RIMKLA: variants seen among roughly 807,000 people sequenced by gnomAD.
The protein encoded by RIMKLA is N-acetylaspartylglutamate synthase A.
In RIMKLA, 14 loss-of-function variants were observed where a neutral mutation model predicts 32.7. The observed-to-expected ratio is 0.43, with a 90% CI of 0.28 to 0.67. RIMKLA has a LOEUF of 0.67. RIMKLA is among the 30% of genes least tolerant of loss of function. The pLI is 0.18. For missense variants in RIMKLA, 410 were observed against 519.0 expected (o/e 0.79, Z 2.04); for synonymous variants, 176 against 204.1 (o/e 0.86, Z 1.18).
At position 42,410,028 on chromosome 1, in the gene RIMKLA, A is replaced by G. The variant is rs781563645; in HGVS notation, c.526A>G (p.Ile176Val). The G allele has an allele frequency of 1.9e-6, 3 of 1,614,180 alleles. No individual in the cohort carries two copies. The highest frequency in any genetic ancestry group is 1.3e-5 in the African/African-American group (1 of 75,056). The change falls in exon 4 of 5, where the codon ATC becomes GTC. Residue 176 changes from isoleucine (I) to valine (V), a missense_variant. By Grantham distance (29) the Ile-to-Val change is conservative. Transcript: ENST00000431473. Reference sequence around the variant, plus strand: ...AAGAGATAAACATCACCTCTCTGACATCTGCCATCTGATCCGCCACGATGT... The same window carrying G: ...AAGAGATAAACATCACCTCTCTGACGTCTGCCATCTGATCCGCCACGATGT... ...LARDKHHLSD[I>V]CHLIRHDVPY...
In RIMKLA at chr1:42,422,463, T is replaced by G. The variant is rs1317956858; in HGVS notation, c.*7489T>G. On this transcript the variant is annotated 3_prime_UTR_variant, in exon 5 of 5. Coordinates refer to ENST00000431473, the MANE Select transcript of RIMKLA (RefSeq NM_173642.4). The stretch of plus-strand genomic sequence containing the variant: ...CATCTTAACTAGGCACCAGAATAGC[T>G]CATTTCCAAGTGGTTTATACAGCAA... 6.6e-6 allele frequency: 1 copy of G among 152,236 alleles called. No homozygotes were observed. Among genetic ancestry groups the G allele is most frequent in the Non-Finnish European group, 1.5e-5 (1 of 68,048 alleles). 9.4% of individuals were successfully genotyped at this position (152,236 alleles called of 1,614,324 possible).
intron 3 of RIMKLA, among the ~76,000 whole-genome samples, chr1:42,407,181 C>G (rs1044921623): frequency 6.6e-6 from 1 of 152,196 alleles, no homozygotes; most frequent in African/African-American, 2.4e-5. Context: ...GCTGGGATTA[C>G]AGGCGTGAGC....
chr1:42,395,823 G>T lies in RIMKLA; in HGVS notation c.164-3581G>T, dbSNP rs578117472. ...ACCCAAATTGTCCTTGGCCATGGCT[G>T]TGTATAACTGTTGCTCCCACTGAAG... On this transcript the variant is annotated intron_variant, in intron 1 of 4. Coordinates refer to ENST00000431473, the MANE Select transcript of RIMKLA (RefSeq NM_173642.4). Among the ~76,000 whole-genome samples, 205 of 152,320 alleles carry T rather than the reference G, an allele frequency of 1.3e-3. 1 individual carries two copies. The highest frequency in any genetic ancestry group is 2.3e-3 in the Non-Finnish European group (158 of 68,022).
chr1:42,400,437 A>G (rs1184034419), intron 2 of RIMKLA, among the ~76,000 whole-genome samples: 1 of 152,236 alleles, frequency 6.6e-6, no homozygotes, highest in Non-Finnish European at 1.5e-5. Context: ...GTAGGTTTTT[A>G]AAATAATCCA....
At chr1:42,400,098 C>T (rs1224300408) in intron 2 of RIMKLA, among the ~76,000 whole-genome samples, 1 of 152,046 alleles carries the variant, frequency 6.6e-6, no homozygotes, top group Non-Finnish European at 1.5e-5. Flanking sequence ...TCTAGCTAAG[C>T]AAAGGGAGAT....
rs1428258142 is a variant in RIMKLA, at chr1:42,385,819, CCTTCCTTCCTTT to C, written c.163+4726_163+4737del. Among the ~76,000 whole-genome samples the C allele has an allele frequency of 5.6e-5, 5 of 89,754 alleles. 1 individual carries two copies. In the East Asian group the frequency reaches 9.4e-4, roughly 17 times the overall value. The allele number at this position is 89,754 out of a possible 152,430, so 58.9% of individuals were successfully genotyped here. ...TCTTTCTCTCTCTCTTTCCTTCCTTCCTTCCTTCCTTTCTTTCTTTCTTTCTCTTTCTTTCTT... is the reference window on the plus strand; with the variant it reads ...TCTTTCTCTCTCTCTTTCCTTCCTTCCTTTCTTTCTTTCTCTTTCTTTCTT... On this transcript the variant is annotated intron_variant, in intron 1 of 4. Transcript: ENST00000431473.
intron 1 of RIMKLA, among the ~76,000 whole-genome samples, chr1:42,393,847 G>C (rs955091364): frequency 3.9e-5 from 6 of 152,034 alleles, no homozygotes; most frequent in Non-Finnish European, 5.9e-5. Context: ...TGCAATGGCG[G>C]GATCTCGGCT....
rs142174409 is a variant in RIMKLA, at chr1:42,401,839, T to A, written c.394+2205T>A. On this transcript the variant is annotated intron_variant, in intron 2 of 4. Coordinates refer to ENST00000431473, the MANE Select transcript of RIMKLA (RefSeq NM_173642.4). ...GCTTAAGATGGAAGATAATTGAGCA[T>A]GTTTAAAATGCCCATGAAATTAGGA... Among the ~76,000 whole-genome samples the A allele has an allele frequency of 7.0e-3, 1,071 of 152,224 alleles. 13 individuals are homozygous for A. The highest frequency in any genetic ancestry group is 0.023 in the African/African-American group (958 of 41,524).
chr1:42,394,498 C>T (rs1643025944), intron 1 of RIMKLA, among the ~76,000 whole-genome samples: 1 of 152,134 alleles, frequency 6.6e-6, no homozygotes, highest in South Asian at 2.1e-4. Flanking sequence ...TGTGAAAGTT[C>T]TTAGCAAATA....
In RIMKLA at chr1:42,399,424, G is replaced by T. The variant is rs1040663547; in HGVS notation, c.184G>T (p.Ala62Ser). The T allele has an allele frequency of 5.0e-6, 8 of 1,611,242 alleles. No homozygotes were observed. The highest frequency in any genetic ancestry group is 6.8e-6 in the Non-Finnish European group (8 of 1,178,780). ...GHLGLQLNQKALTTFPDVVLV... is the reference protein window; with the variant it reads ...GHLGLQLNQKSLTTFPDVVLV... Reference sequence around the variant, plus strand: ...TGCAGGCCTCCAGCTAAACCAGAAGGCCCTCACCACTTTCCCGGATGTGGT... The same window carrying T: ...TGCAGGCCTCCAGCTAAACCAGAAGTCCCTCACCACTTTCCCGGATGTGGT... The change falls in exon 2 of 5, where the codon GCC becomes TCC. Residue 62 changes from alanine to serine, a missense_variant. Ala to Ser is a moderately conservative substitution (Grantham distance 99, BLOSUM62 1). Coordinates refer to ENST00000431473, the MANE Select transcript of RIMKLA (RefSeq NM_173642.4).
At chr1:42,394,359 A>G (rs953414207) in intron 1 of RIMKLA, among the ~76,000 whole-genome samples, 4 of 152,254 alleles carry the variant, frequency 2.6e-5, no homozygotes, top group Non-Finnish European at 5.9e-5. Context: ...TATGTGAGTG[A>G]CATGCATGCA....
At chr1:42,394,400 C>T (rs556766951) in intron 1 of RIMKLA, among the ~76,000 whole-genome samples, 1 of 152,196 alleles carries the variant, frequency 6.6e-6, no homozygotes, top group Non-Finnish European at 1.5e-5. Flanking sequence ...CATTATGTAT[C>T]GGCTTTGTGT....
chr1:42,397,224 A>G (rs1185774124), intron 1 of RIMKLA, among the ~76,000 whole-genome samples: 2 of 152,180 alleles, frequency 1.3e-5, no homozygotes, highest in Non-Finnish European at 1.5e-5. Flanking sequence ...ATTCAGGGCC[A>G]TGTAGTAGTT....
chr1:42,408,879 C>T (rs941585639), intron 3 of RIMKLA, among the ~76,000 whole-genome samples: 1 of 152,040 alleles, frequency 6.6e-6, no homozygotes, highest in African/African-American at 2.4e-5. Context: ...TTATCAGAAC[C>T]TCTGCTCAGG....
intron 1 of RIMKLA, among the ~76,000 whole-genome samples, chr1:42,392,026 G>A (rs75555601): frequency 0.15 from 22,878 of 152,136 alleles, 1,812 homozygotes; most frequent in East Asian, 0.23. Flanking sequence ...CCTTTCCAAG[G>A]AGTTACTTTA....
At chr1:42,400,407 T>C (rs1467448287) in intron 2 of RIMKLA, among the ~76,000 whole-genome samples, 1 of 152,122 alleles carries the variant, frequency 6.6e-6, no homozygotes, top group Non-Finnish European at 1.5e-5. Context: ...AGGGGCAAAG[T>C]AGAGACAGGA....
chr1:42,404,207 A>G (rs1643125006), intron 2 of RIMKLA, among the ~76,000 whole-genome samples: 1 of 152,164 alleles, frequency 6.6e-6, no homozygotes, highest in Non-Finnish European at 1.5e-5. Context: ...GGGCAGATAT[A>G]TCTTGGGGTT....
At chr1:42,408,605 G>C (rs896920652) in intron 3 of RIMKLA, among the ~76,000 whole-genome samples, 1 of 152,038 alleles carries the variant, frequency 6.6e-6, no homozygotes, top group Admixed American at 6.5e-5. Context: ...ATCTTTAGTA[G>C]AGATGGGGTT....
At chr1:42,404,285 CTT>C (rs139397509) in intron 2 of RIMKLA, among the ~76,000 whole-genome samples, 2,963 of 152,290 alleles carry the variant, frequency 0.019, 96 homozygotes, top group African/African-American at 0.066. Context: ...ATTGTGAAGT[CTT>C]TACCACACAG....
Sources: gnomAD v4.1 joint callset for allele counts (sites outside exome capture counted in the v4.1 genomes callset) on GRCh38, gnomAD v4.1.1 for gene constraint, MANE v1.5 for transcripts, NCBI Gene and HGNC (gene_info 2026-07-23, HGNC 2026-07-21) for gene names.